APOA4: variants seen among roughly 807,000 people sequenced by gnomAD.
The protein encoded by APOA4 is apolipoprotein A-IV.
APOA4 carries 25 observed loss-of-function variants against 33.6 expected under a neutral mutation model. The ratio of observed to expected loss-of-function variants is 0.74; its 90% CI spans 0.54 to 1.04. APOA4 has a LOEUF of 1.04. APOA4 is among the 50% of genes least tolerant of loss of function. The probability of loss-of-function intolerance (pLI) is 0.00; values close to 1 mark genes in which losing one functional copy is unlikely to be tolerated. For synonymous variants in APOA4, 228 were observed against 224.0 expected (o/e 1.02, Z -0.16); for missense variants, 549 against 510.4 (o/e 1.08, Z -0.73).
In APOA4 at chr11:116,821,039, A is replaced by C; in HGVS notation, c.1019T>G (p.Leu340Trp). 4 of 1,614,216 alleles carry C rather than the reference A, an allele frequency of 2.5e-6. No homozygotes were observed. Among genetic ancestry groups the C allele is most frequent in the Non-Finnish European group, 3.4e-6 (4 of 1,180,038 alleles). Residue 340 changes from leucine (L) to tryptophan (W), a missense_variant, in exon 3 of 3, where the codon TTG becomes TGG. Coordinates refer to ENST00000357780, the MANE Select transcript of APOA4 (RefSeq NM_000482.4). ...GPHAGDVEGHLSFLEKDLRDK... is the reference protein window; with the variant it reads ...GPHAGDVEGHWSFLEKDLRDK... ...CCTCAGGTCCTTCTCCAGGAAGCTC[A>C]AGTGGCCTTCCACGTCCCCCGCATG...
chr11:116,823,160 G>T lies in APOA4; in HGVS notation c.32C>A (p.Ala11Asp), dbSNP rs746633459. The change falls in exon 1 of 3, where the codon GCC becomes GAC. Residue 11 changes from alanine to aspartate, a missense_variant. Ala to Asp is a moderately radical substitution (Grantham distance 126). Coordinates refer to ENST00000357780, the MANE Select transcript of APOA4 (RefSeq NM_000482.4). ...CTACTCACCGGCGACAGCCACCAGG[G>T]CCAGGGTCAGGACCACGGCCTTCAG... MFLKAVVLTLALVAVAGARAE... is the reference protein window; with the variant it reads MFLKAVVLTLDLVAVAGARAE... 1 of 1,614,122 alleles carries T rather than the reference G, an allele frequency of 6.2e-7. No homozygotes were observed. Among genetic ancestry groups the T allele is most frequent in the Admixed American group, 1.7e-5 (1 of 60,030 alleles).
At position 116,823,194 on chromosome 11, in the gene APOA4, T is replaced by C. The variant is rs1941345398; in HGVS notation, c.-3A>G. 2.5e-6 allele frequency: 4 copies of C among 1,613,096 alleles called. 1 individual carries two copies. In the South Asian group the frequency reaches 3.3e-5, roughly 13 times the overall value. ...AGGACCACGGCCTTCAGGAACATCC[T>C]GAGCTGCTTGCTGGGCTGGAGGAGT... On this transcript the variant is annotated 5_prime_UTR_variant, in exon 1 of 3. Transcript: ENST00000357780.
chr11:116,822,386 T>C (rs1051023764), intron 2 of APOA4, among the ~76,000 whole-genome samples: 4 of 152,116 alleles, frequency 2.6e-5, no homozygotes, highest in African/African-American at 9.7e-5. Flanking sequence ...CACGTGACAT[T>C]TTCCTCCCTC....
chr11:116,820,878 A>C lies in APOA4; in HGVS notation c.1180T>G (p.Leu394Val). Residue 394 changes from leucine to valine, a missense_variant, in exon 3 of 3, where the codon TTG becomes GTG. Physicochemically the swap from Leu to Val is conservative, Grantham distance 32. Transcript: ENST00000357780. ...GCACCAGGGGCAGCTCAGCTCTCCA[A>C]AGGGGCCAGCATCTGCACCTGCTCC... ...QQEQVQMLAP[L>V]ES 6.2e-7 allele frequency: 1 copy of C among 1,613,946 alleles called. No individual in the cohort carries two copies. Among genetic ancestry groups the C allele is most frequent in the Non-Finnish European group, 8.5e-7 (1 of 1,179,992 alleles).
In APOA4 at chr11:116,821,524, C is replaced by T. The variant is rs377729274; in HGVS notation, c.534G>A (p.Ser178=). 5.5e-5 allele frequency: 89 copies of T among 1,613,506 alleles called. No homozygotes were observed. Among genetic ancestry groups the T allele is most frequent in the Non-Finnish European group, 6.4e-5 (75 of 1,180,018 alleles). Residue 178 remains serine, a synonymous_variant, in exon 3 of 3, where the codon TCG becomes TCA. Coordinates refer to ENST00000357780, the MANE Select transcript of APOA4 (RefSeq NM_000482.4). ...LRENADSLQA[S]LRPHADELKA... ...TGAGCTCGTCGGCGTGGGGCCTCAG[C>T]GAGGCCTGCAGGCTGTCGGCGTTCT...
chr11:116,821,962 T>C, intron 2 of APOA4, 81 bp from the exon 3 acceptor site: 1 of 1,579,784 alleles, frequency 6.3e-7, no homozygotes, highest in Admixed American at 1.7e-5. Flanking sequence ...ACCACTCGCC[T>C]TATGCACACG....
chr11:116,821,889 G>A lies in APOA4; in HGVS notation c.177-8C>T, dbSNP rs1454316477. 6.2e-7 allele frequency: 1 copy of A among 1,612,886 alleles called. No homozygotes were observed. The highest frequency in any genetic ancestry group is 1.3e-5 in the African/African-American group (1 of 75,060). ...TTGTCCTGGAAGAGGGCACTGTGGG[G>A]AAGGGCACAAGGAGGCCACGTTACA... On this transcript the variant is annotated splice_polypyrimidine_tract_variant and splice_region_variant and intron_variant, in intron 2 of 2. Transcript: ENST00000357780.
In APOA4 at chr11:116,820,891, C is replaced by G. The variant is rs1941310885; in HGVS notation, c.1167G>C (p.Gln389His). The change falls in exon 3 of 3, where the codon CAG (glutamine) becomes CAC (histidine). Residue 389 changes from glutamine to histidine, a missense_variant. Physicochemically the swap from Gln to His is conservative, Grantham distance 24 (BLOSUM62 0). Coordinates refer to ENST00000357780, the MANE Select transcript of APOA4 (RefSeq NM_000482.4). ...CTCAGCTCTCCAAAGGGGCCAGCAT[C>G]TGCACCTGCTCCTGCTGCTGCTCCT... The part of the protein sequence containing the change: ...QQQEQQQEQV[Q>H]MLAPLES 6.2e-7 allele frequency: 1 copy of G among 1,614,080 alleles called. No homozygotes were observed. The highest frequency in any genetic ancestry group is 1.7e-5 in the Admixed American group (1 of 60,016).
chr11:116,821,368 C>T lies in APOA4; in HGVS notation c.690G>A (p.Thr230=), dbSNP rs371396568. 6 of 1,614,070 alleles carry T rather than the reference C, an allele frequency of 3.7e-6. No homozygotes were observed. Among genetic ancestry groups the T allele is most frequent in the Non-Finnish European group, 3.4e-6 (4 of 1,180,036 alleles). ...RRSLAPYAQD[T]QEKLNHQLEG... The stretch of plus-strand genomic sequence containing the variant: ...CAAGCTGGTGGTTGAGCTTCTCCTG[C>T]GTGTCCTGAGCATAGGGAGCCAGGC... The change falls in exon 3 of 3, where the codon ACG becomes ACA. Residue 230 remains threonine (T), a synonymous_variant. Transcript: ENST00000357780.
In APOA4 at chr11:116,821,275, C is replaced by T. The variant is rs1941317623; in HGVS notation, c.783G>A (p.Glu261=). ...AGGGCGCCAGCCTCTGCCGCAGCTC[C>T]TCGGCACTGGCCGAGATCCTGGCCT... ...ELKARISASA[E]ELRQRLAPLA... The change falls in exon 3 of 3, where the codon GAG becomes GAA. Residue 261 remains glutamate, a synonymous_variant. Transcript: ENST00000357780. 1 of 1,613,620 alleles carries T rather than the reference C, an allele frequency of 6.2e-7. No individual in the cohort carries two copies. Among genetic ancestry groups the T allele is most frequent in the Non-Finnish European group, 8.5e-7 (1 of 1,180,014 alleles).
intron 1 of APOA4, 95 bp downstream of exon 1, chr11:116,823,048 C>T: frequency 1.3e-6 from 2 of 1,505,180 alleles, no homozygotes; most frequent in Non-Finnish European, 1.8e-6. Context: ...GGCTGATGGG[C>T]ACTCAGAAGT....
In APOA4 at chr11:116,823,236, T is replaced by G; in HGVS notation, c.-45A>C. 1 of 1,611,886 alleles carries G rather than the reference T, an allele frequency of 6.2e-7. No homozygotes were observed. Among genetic ancestry groups the G allele is most frequent in the African/African-American group, 1.3e-5 (1 of 75,004 alleles). ...TGGAGGAGTTTCTTGCCACACTGGA[T>G]CCTCCCTACAATCAGGGGAGCTGAC... On this transcript the variant is annotated 5_prime_UTR_variant, in exon 1 of 3. Coordinates refer to ENST00000357780, the MANE Select transcript of APOA4 (RefSeq NM_000482.4).
chr11:116,822,862 TG>T, intron 1 of APOA4, 77 bp from the exon 2 acceptor site: 1 of 1,603,188 alleles, frequency 6.2e-7, no homozygotes. Flanking sequence ...AGCTGCAGAC[TG>T]GATGATGGTG....
Position 116,821,423 on chromosome 11 carries a change from A to G in APOA4, c.635T>C (p.Ile212Thr), listed in dbSNP as rs1191441011. ...TPYADEFKVK[I>T]DQTVEELRRS... ...GCGCAGCTCCTCCACGGTCTGGTCA[A>G]TCTTGACTTTGAATTCGTCAGCGTA... Residue 212 changes from isoleucine to threonine, a missense_variant, in exon 3 of 3, where the codon ATT becomes ACT. Transcript: ENST00000357780. 1.2e-6 allele frequency: 2 copies of G among 1,614,150 alleles called. No individual in the cohort carries two copies. Among genetic ancestry groups the G allele is most frequent in the Non-Finnish European group, 1.7e-6 (2 of 1,180,004 alleles).
intron 2 of APOA4, 69 bp from the exon 3 acceptor site, chr11:116,821,950 A>G (rs1398355197): frequency 1.3e-6 from 2 of 1,596,096 alleles, no homozygotes; most frequent in Non-Finnish European, 1.7e-6. Flanking sequence ...GTCTGCTTGT[A>G]TACCACTCGC....
rs1014274903 is a variant in APOA4 at position 116,821,314 on chromosome 11, G to A, written c.744C>T (p.Asn248=). 2.4e-5 allele frequency: 38 copies of A among 1,614,032 alleles called. No individual in the cohort carries two copies. Among genetic ancestry groups the A allele is most frequent in the South Asian group, 2.2e-4 (20 of 91,090 alleles). ...AGATCCTGGCCTTGAGCTCCTCGGC[G>A]TTCTTCTTCATCTGGAAGGTCAGGC... ...LEGLTFQMKK[N]AEELKARISA... Residue 248 remains asparagine, a synonymous_variant, in exon 3 of 3, where the codon AAC becomes AAT. Coordinates refer to ENST00000357780, the MANE Select transcript of APOA4 (RefSeq NM_000482.4).
rs2134218070 is a variant in APOA4, at chr11:116,821,490, T to A, written c.568A>T (p.Ile190Phe). ...TTGAGCTCCTCCACGTTCTGGTCGA[T>A]CTTGGCCTTGAGCTCGTCGGCGTGG... ...RPHADELKAK[I>F]DQNVEELKGR... is the part of the protein sequence containing the mutation. The change falls in exon 3 of 3, where the codon ATC becomes TTC. Residue 190 changes from isoleucine (I) to phenylalanine (F), a missense_variant. By Grantham distance (21) the Ile-to-Phe change is conservative. Transcript: ENST00000357780. 2 of 1,614,118 alleles carry A rather than the reference T, an allele frequency of 1.2e-6. No individual in the cohort carries two copies. The highest frequency in any genetic ancestry group is 3.3e-5 in the Admixed American group (2 of 60,026).
Position 116,821,341 on chromosome 11 carries a change from C to T in APOA4, c.717G>A (p.Glu239=), listed in dbSNP as rs1252184538. The change falls in exon 3 of 3, where the codon GAG becomes GAA. Residue 239 remains glutamate, a synonymous_variant. Coordinates refer to ENST00000357780, the MANE Select transcript of APOA4 (RefSeq NM_000482.4). Reference sequence around the variant, plus strand: ...TCTTCTTCATCTGGAAGGTCAGGCCCTCAAGCTGGTGGTTGAGCTTCTCCT... The same window carrying T: ...TCTTCTTCATCTGGAAGGTCAGGCCTTCAAGCTGGTGGTTGAGCTTCTCCT... ...DTQEKLNHQL[E]GLTFQMKKNA... is the part of the protein sequence containing the mutation. 13 of 1,614,018 alleles carry T rather than the reference C, an allele frequency of 8.1e-6. No individual in the cohort carries two copies. Among genetic ancestry groups the T allele is most frequent in the Non-Finnish European group, 1.0e-5 (12 of 1,180,028 alleles).
rs142283748 is a variant in APOA4, at chr11:116,821,367, G to T, written c.691C>A (p.Gln231Lys). The T allele has an allele frequency of 1.9e-6, 3 of 1,614,058 alleles. No homozygotes were observed. Among genetic ancestry groups the T allele is most frequent in the African/African-American group, 2.7e-5 (2 of 74,942 alleles). ...TCAAGCTGGTGGTTGAGCTTCTCCT[G>T]CGTGTCCTGAGCATAGGGAGCCAGG... ...RSLAPYAQDT[Q>K]EKLNHQLEGL... Residue 231 changes from glutamine to lysine, a missense_variant, in exon 3 of 3, where the codon CAG becomes AAG. Transcript: ENST00000357780.
Sources: gnomAD v4.1 joint callset for allele counts (sites outside exome capture counted in the v4.1 genomes callset) on GRCh38, gnomAD v4.1.1 for gene constraint, MANE v1.5 for transcripts, NCBI Gene and HGNC (gene_info 2026-07-23, HGNC 2026-07-21) for gene names.